Variants in AGBL4 observed in about 807,000 individuals in gnomAD.
AGBL4 encodes AGBL carboxypeptidase 4, also known as cytosolic carboxypeptidase 6.
In AGBL4, 58 loss-of-function variants were observed where a neutral mutation model predicts 66.4. That is an observed-to-expected ratio of 0.87 (90% CI 0.71 to 1.09). AGBL4 has a LOEUF of 1.09. Among genes scored for constraint, AGBL4 ranks in the 50% least tolerant of loss-of-function variants. AGBL4 has a pLI of 0.00. For synonymous variants in AGBL4, 234 were observed against 222.9 expected (o/e 1.05, Z -0.44); for missense variants, 579 against 631.0 (o/e 0.92, Z 0.88).
chr1:49,426,970 A>C (rs143353104), intron 3 of AGBL4, among the ~76,000 whole-genome samples: 151 of 152,262 alleles, frequency 9.9e-4, no homozygotes, highest in African/African-American at 3.5e-3. Context: ...CTCCTTATAC[A>C]TGCTGTATTG....
intron 5 of AGBL4, among the ~76,000 whole-genome samples, chr1:48,889,555 T>A (rs1650710944): frequency 6.6e-6 from 1 of 152,220 alleles, no homozygotes; most frequent in East Asian, 1.9e-4. Context: ...GTCAGGAAGA[T>A]CTTATAAGGC....
chr1:49,718,131 A>G (rs1355571516), intron 2 of AGBL4, among the ~76,000 whole-genome samples: 2 of 152,020 alleles, frequency 1.3e-5, no homozygotes, highest in African/African-American at 4.8e-5. Context: ...GTGATTCCCA[A>G]TGTTAGAGGT....
At chr1:48,602,950 G>A (rs1249799543) in intron 9 of AGBL4, among the ~76,000 whole-genome samples, 1 of 152,178 alleles carries the variant, frequency 6.6e-6, no homozygotes, top group Non-Finnish European at 1.5e-5. Flanking sequence ...GGTGCTGTAA[G>A]AGACATAAGT....
intron 9 of AGBL4, among the ~76,000 whole-genome samples, chr1:48,629,827 G>A (rs973806478): frequency 3.3e-5 from 5 of 152,308 alleles, no homozygotes; most frequent in South Asian, 2.1e-4. Flanking sequence ...GGAGGACACA[G>A]TGATGGTGGC....
chr1:49,214,936 T>C (rs537652860), intron 4 of AGBL4, among the ~76,000 whole-genome samples: 2 of 152,238 alleles, frequency 1.3e-5, no homozygotes, highest in East Asian at 3.9e-4. Context: ...TTTGTTCTCA[T>C]TTGTCTGAAG....
At chr1:48,572,154 G>T (rs2148317530) in intron 11 of AGBL4, among the ~76,000 whole-genome samples, 1 of 152,204 alleles carries the variant, frequency 6.6e-6, no homozygotes, top group South Asian at 2.1e-4. Flanking sequence ...GGGATATGAG[G>T]AAGGACAGGG....
intron 6 of AGBL4, among the ~76,000 whole-genome samples, chr1:48,790,596 A>G (rs1401170997): frequency 6.6e-6 from 1 of 152,208 alleles, no homozygotes; most frequent in African/African-American, 2.4e-5. Flanking sequence ...CCCCAAAGTC[A>G]AAGAGTTTGT....
chr1:49,853,947 A>G (rs1026058855), intron 1 of AGBL4, among the ~76,000 whole-genome samples: 7 of 152,202 alleles, frequency 4.6e-5, no homozygotes, highest in Non-Finnish European at 8.8e-5. Context: ...TTCTTCAGGC[A>G]GAAGGGAAAT....
chr1:49,805,657 T>TA lies in AGBL4; in HGVS notation c.157+45738dup, dbSNP rs199529345. On this transcript the variant is annotated intron_variant, in intron 2 of 13. Transcript: ENST00000371839. ...TTGTTTCTCCCAAAAATTCATACAT[T>TA]AAAACCTAATCAGCAATGTGATGCT... Among the ~76,000 whole-genome samples, 78 of 152,328 alleles carry TA rather than the reference T, an allele frequency of 5.1e-4. No homozygotes were observed. The East Asian group carries it at 0.012, about 23-fold the overall frequency.
intron 3 of AGBL4, among the ~76,000 whole-genome samples, chr1:49,598,658 G>A (rs575374720): frequency 2.6e-5 from 4 of 152,100 alleles, no homozygotes; most frequent in African/African-American, 9.7e-5. Context: ...GCTGCTCGGG[G>A]GTCAGGGGTC....
chr1:48,537,128 C>T (rs1448037212), intron 12 of AGBL4, among the ~76,000 whole-genome samples: 1 of 151,958 alleles, frequency 6.6e-6, no homozygotes, highest in African/African-American at 2.4e-5. Context: ...GAAAATAATA[C>T]AAAAAAGGGG....
chr1:49,303,672 C>T (rs1644797555), intron 3 of AGBL4, among the ~76,000 whole-genome samples: 1 of 151,756 alleles, frequency 6.6e-6, no homozygotes, highest in South Asian at 2.1e-4. Context: ...GACAGAGTTT[C>T]ACCACGTTGG....
intron 1 of AGBL4, among the ~76,000 whole-genome samples, chr1:49,997,257 G>A (rs1660437954): frequency 5.3e-5 from 8 of 152,098 alleles, no homozygotes; most frequent in Admixed American, 5.2e-4. Flanking sequence ...AAAAGATACA[G>A]AATGGCAGAA....
chr1:48,523,310 T>C, the AGBL4 span, among the ~76,000 whole-genome samples: 4 of 152,210 alleles, frequency 2.6e-5, no homozygotes, highest in Non-Finnish European at 5.9e-5. Context: ...ATTGTATGGC[T>C]ACAGAATGGA....
intron 9 of AGBL4, among the ~76,000 whole-genome samples, chr1:48,602,147 G>A (rs1016443760): frequency 3.9e-5 from 6 of 152,104 alleles, no homozygotes; most frequent in African/African-American, 1.4e-4. Flanking sequence ...TTGCTAGCTG[G>A]CTCATAGAGG....
chr1:49,586,641 G>A (rs868550974), intron 3 of AGBL4, among the ~76,000 whole-genome samples: 1 of 143,994 alleles, frequency 6.9e-6, no homozygotes, highest in Non-Finnish European at 1.6e-5. Flanking sequence ...ATCAATAATC[G>A]TTTAGAGACT....
At chr1:48,966,368 T>G (rs1271157431) in intron 5 of AGBL4, among the ~76,000 whole-genome samples, 2 of 152,268 alleles carry the variant, frequency 1.3e-5, no homozygotes, top group Non-Finnish European at 2.9e-5. Flanking sequence ...CTTATGTAGT[T>G]CTGCTAATGA....
At chr1:48,733,193 T>C (rs1648434812) in intron 6 of AGBL4, among the ~76,000 whole-genome samples, 1 of 152,132 alleles carries the variant, frequency 6.6e-6, no homozygotes. Flanking sequence ...GTTTCTTTGC[T>C]TTTGTAAGAA....
intron 11 of AGBL4, among the ~76,000 whole-genome samples, chr1:48,547,554 G>C (rs1463441092): frequency 6.6e-6 from 1 of 152,098 alleles, no homozygotes; most frequent in African/African-American, 2.4e-5. Flanking sequence ...TGTTGGGTTT[G>C]AGCTATGAGA....
Sources: allele counts gnomAD v4.1 joint callset (sites outside exome capture counted in the v4.1 genomes callset), GRCh38; gene constraint gnomAD v4.1.1; transcripts MANE v1.5; gene names NCBI Gene and HGNC (gene_info 2026-07-23, HGNC 2026-07-21).